The following DNHD1 variants were observed in gnomAD, a reference collection of about 807,000 sequenced individuals.
DNHD1 encodes the protein dynein heavy chain domain-containing protein 1.
A neutral mutation model predicts 458.1 loss-of-function variants in DNHD1; 383 were observed. The ratio of observed to expected loss-of-function variants is 0.84; its 90% CI spans 0.77 to 0.91. The LOEUF is 0.91. Ranked by LOEUF, DNHD1 falls within the 40% of genes least tolerant of loss-of-function variation. DNHD1 has a pLI of 0.00. For missense variants in DNHD1, 5,336 were observed against 5,866.1 expected, an observed-to-expected ratio of 0.91 and a Z score of 2.95; for synonymous variants, 2,203 against 2,376.9, an observed-to-expected ratio of 0.93 and a Z score of 2.13.
At chr11:6,549,518 TAAC>T (rs1853291859) in intron 24 of DNHD1, among the ~76,000 whole-genome samples, 1 of 152,222 alleles carries the variant, frequency 6.6e-6, no homozygotes, top group Non-Finnish European at 1.5e-5. Flanking sequence ...TAATTGGACT[TAAC>T]AAGTCAGGCT....
chr11:6,533,159 A>T lies in DNHD1; in HGVS notation c.2480A>T (p.His827Leu), dbSNP rs1303298856. Reference protein sequence around the residue: ...HIFRTINSDIHAIAQCTQKLN... With the variant: ...HIFRTINSDILAIAQCTQKLN... The stretch of plus-strand genomic sequence containing the variant: ...TTCCGAACCATCAACTCAGATATTC[A>T]TGCCATTGCACAGTGCACCCAGAAG... The change falls in exon 13 of 43, where the codon CAT becomes CTT. Residue 827 changes from histidine (H) to leucine (L), a missense_variant. By Grantham distance (99) the His-to-Leu change is moderately conservative. Around this residue, in one of 4 missense-constraint regions of DNHD1, gnomAD observed 3,932 missense variants for 4,365.6 expected, o/e 0.90. Coordinates refer to ENST00000254579, the MANE Select transcript of DNHD1 (RefSeq NM_144666.3). 1 of 1,551,642 alleles carries T rather than the reference A, an allele frequency of 6.4e-7. No homozygotes were observed. The highest frequency in any genetic ancestry group is 2.0e-5 in the Admixed American group (1 of 51,000).
rs775625225 is a variant in DNHD1 at position 6,557,409 on chromosome 11, T to C, written c.8114T>C (p.Val2705Ala). Reference sequence around the variant, plus strand: ...GAGGAGGAGGAGGAGGAGGAGAGGGTGCCCGAAGTAGAATCTGAAGGGGAG... The same window carrying C: ...GAGGAGGAGGAGGAGGAGGAGAGGGCGCCCGAAGTAGAATCTGAAGGGGAG... ...ESEEEEEEER[V>A]PEVESEGELA... Residue 2705 changes from valine to alanine, a missense_variant, in exon 25 of 43, where the codon GTG becomes GCG. Around this residue, in one of 4 missense-constraint regions of DNHD1, gnomAD observed 3,932 missense variants for 4,365.6 expected, o/e 0.90. Transcript: ENST00000254579. 1 of 1,550,096 alleles carries C rather than the reference T, an allele frequency of 6.5e-7. No homozygotes were observed. Among genetic ancestry groups the C allele is most frequent in the Non-Finnish European group, 8.7e-7 (1 of 1,146,896 alleles).
chr11:6,558,617 AC>A lies in DNHD1; in HGVS notation c.9138del (p.Trp3047GlyfsTer70), dbSNP rs1456597175. On this transcript the variant is annotated frameshift_variant, in exon 26 of 43. Transcript: ENST00000254579. LOFTEE classifies it high-confidence loss of function. ...LATASIDRYE[P>X]WDQAALAKVA... ...CCACTGCCAGCATTGACCGCTATGA[AC>A]CCTGGGACCAAGCTGCCCTGGCCAA... The A allele has an allele frequency of 4.5e-6, 7 of 1,551,598 alleles. No homozygotes were observed. The highest frequency in any genetic ancestry group is 3.9e-5 in the Admixed American group (2 of 51,008).
chr11:6,568,793 C>T lies in DNHD1; in HGVS notation c.12790C>T (p.Leu4264=). The change falls in exon 39 of 43, where the codon CTG becomes TTG. Residue 4264 remains leucine (L), a synonymous_variant. Transcript: ENST00000254579. ...GCAACCCCCCACCCAGGCACTACCT[C>T]TGCTCCTCCTCCATGGCCTCCTGCT... The part of the protein sequence containing the change: ...YMQPPTQALP[L]LLLHGLLLHR... The T allele has an allele frequency of 6.2e-7, 1 of 1,613,542 alleles. No homozygotes were observed. Among genetic ancestry groups the T allele is most frequent in the Non-Finnish European group, 8.5e-7 (1 of 1,179,772 alleles).
rs1216814948 is a variant in DNHD1 at position 6,547,304 on chromosome 11, C to T, written c.6365C>T (p.Thr2122Ile). The T allele has an allele frequency of 6.4e-7, 1 of 1,551,728 alleles. No homozygotes were observed. The highest frequency in any genetic ancestry group is 8.7e-7 in the Non-Finnish European group (1 of 1,147,022). ...SGQQIARPPG[T>I]FLLMEVADTT... ...CAGCAGATAGCACGACCCCCAGGCA[C>T]CTTTCTCTTGATGGAGGTGGCTGAC... Residue 2122 changes from threonine to isoleucine, a missense_variant, in exon 21 of 43, where the codon ACC becomes ATC. Physicochemically the swap from Thr to Ile is moderately conservative, Grantham distance 89 (BLOSUM62 -1). This residue lies in a region of DNHD1 where 3,932 missense variants were observed against 4,365.6 expected (regional missense o/e 0.90). Transcript: ENST00000254579.
intron 7 of DNHD1, among the ~76,000 whole-genome samples, chr11:6,518,896 T>A (rs933381218): frequency 1.3e-5 from 2 of 152,100 alleles, no homozygotes; most frequent in African/African-American, 4.8e-5. Flanking sequence ...AACCAATCAG[T>A]TCTAATCACA....
rs193003786 is a variant in DNHD1 at position 6,546,557 on chromosome 11, G to A, written c.5618G>A (p.Arg1873His). ...RELVSGPLPCRLPLLKQILED... is the reference protein window; with the variant it reads ...RELVSGPLPCHLPLLKQILED... ...CTGGTGTCTGGGCCCCTGCCCTGCCGCCTGCCACTGCTCAAGCAGATACTG... is the reference window on the plus strand; with the variant it reads ...CTGGTGTCTGGGCCCCTGCCCTGCCACCTGCCACTGCTCAAGCAGATACTG... The change falls in exon 21 of 43, where the codon CGC (arginine) becomes CAC (histidine). Residue 1873 changes from arginine to histidine, a missense_variant. This residue lies in a region of DNHD1 where 3,932 missense variants were observed against 4,365.6 expected (regional missense o/e 0.90). Coordinates refer to ENST00000254579, the MANE Select transcript of DNHD1 (RefSeq NM_144666.3). 38 of 1,551,076 alleles carry A rather than the reference G, an allele frequency of 2.4e-5. No homozygotes were observed. The highest frequency in any genetic ancestry group is 1.7e-4 in the East Asian group (7 of 40,902).
At position 6,550,435 on chromosome 11, in the gene DNHD1, G is replaced by A. The variant is rs145758109; in HGVS notation, c.7387+1502G>A. ...GAAGAGACTTCAGCAACATTGTAGAGTGAAGAATATTACTGCTGGCAGAAT... is the reference window on the plus strand; with the variant it reads ...GAAGAGACTTCAGCAACATTGTAGAATGAAGAATATTACTGCTGGCAGAAT... On this transcript the variant is annotated intron_variant, in intron 24 of 42. Coordinates refer to ENST00000254579, the MANE Select transcript of DNHD1 (RefSeq NM_144666.3). Among the ~76,000 whole-genome samples, 246 of 152,296 alleles carry A rather than the reference G, an allele frequency of 1.6e-3. 2 individuals are homozygous for A. The highest frequency in any genetic ancestry group is 5.8e-3 in the African/African-American group (239 of 41,548).
rs1852204662 is a variant in DNHD1, at chr11:6,505,082, C to G, written c.920+2156C>G. On this transcript the variant is annotated intron_variant, in intron 4 of 42. Transcript: ENST00000254579. This position sits in a 1 kb window ranked among gnomAD's most constrained non-coding sequence, Gnocchi z 4.4. ...CTGGGCTCAAGCTATCCTCCCTTCTCAGCCTCCCAAAGTGCTGGGATTACA... is the reference window on the plus strand; with the variant it reads ...CTGGGCTCAAGCTATCCTCCCTTCTGAGCCTCCCAAAGTGCTGGGATTACA... Among the ~76,000 whole-genome samples, 1 of 152,098 alleles carries G rather than the reference C, an allele frequency of 6.6e-6. No individual in the cohort carries two copies. The highest frequency in any genetic ancestry group is 1.5e-5 in the Non-Finnish European group (1 of 68,010).
In DNHD1 at chr11:6,497,290, T is replaced by A. The variant is rs1301242268; in HGVS notation, c.-570T>A. The A allele has an allele frequency of 6.5e-6, 1 of 152,676 alleles. No homozygotes were observed. The highest frequency in any genetic ancestry group is 1.5e-5 in the Non-Finnish European group (1 of 68,500). 9.5% of individuals were successfully genotyped at this position (152,676 alleles called of 1,614,324 possible). A position where few individuals can be genotyped will look rare whatever the true frequency, so the allele number is the denominator to read the frequency against. Reference sequence around the variant, plus strand: ...TGGCAAAGACTCGGTCCTTCTGGAATCTTGTAACGGTTCTAACAGCTGGGT... The same window carrying A: ...TGGCAAAGACTCGGTCCTTCTGGAAACTTGTAACGGTTCTAACAGCTGGGT... On this transcript the variant is annotated 5_prime_UTR_variant, in exon 1 of 43. Coordinates refer to ENST00000254579, the MANE Select transcript of DNHD1 (RefSeq NM_144666.3).
At chr11:6,564,235 A>T in intron 31 of DNHD1, 98 bp from the exon 32 acceptor site, 4 of 1,448,012 alleles carry the variant, frequency 2.8e-6, no homozygotes, top group Non-Finnish European at 3.7e-6. Context: ...TCCTTGCCGT[A>T]CTTTCCTCCA....
intron 10 of DNHD1, among the ~76,000 whole-genome samples, chr11:6,527,308 G>A (rs923230710): frequency 6.6e-6 from 1 of 152,208 alleles, no homozygotes; most frequent in African/African-American, 2.4e-5. Context: ...AGTAAGAGAT[G>A]ATGGTGACTT....
In DNHD1 at chr11:6,567,024, C is replaced by G; in HGVS notation, c.11515C>G (p.Gln3839Glu). Residue 3839 changes from glutamine to glutamate, a missense_variant, in exon 36 of 43, where the codon CAG becomes GAG. Coordinates refer to ENST00000254579, the MANE Select transcript of DNHD1 (RefSeq NM_144666.3). Reference protein sequence around the residue: ...LRAHCEELEGQKLQEMVLWAP... With the variant: ...LRAHCEELEGEKLQEMVLWAP... ...TGCTCATTGTGAAGAGTTAGAAGGG[C>G]AGAAACTACAGGAGATGGTATTGTG... The G allele has an allele frequency of 6.2e-7, 1 of 1,614,026 alleles. No individual in the cohort carries two copies.
chr11:6,571,244 G>C lies in DNHD1; in HGVS notation c.13732G>C (p.Glu4578Gln). 6.2e-7 allele frequency: 1 copy of C among 1,612,636 alleles called. No individual in the cohort carries two copies. Among genetic ancestry groups the C allele is most frequent in the Non-Finnish European group, 8.5e-7 (1 of 1,179,710 alleles). The stretch of plus-strand genomic sequence containing the variant: ...CGCGGACGCGAGCAGTGATGTACCA[G>C]AGCGCGTCTTCCACCTGTCAGCCTT... ...VGADASSDVP[E>Q]RVFHLSAFRH... Residue 4578 changes from glutamate (E) to glutamine (Q), a missense_variant, in exon 42 of 43, where the codon GAG (glutamate) becomes CAG (glutamine). By Grantham distance (29) the Glu-to-Gln change is conservative. This residue lies in a region of DNHD1 where 698 missense variants were observed against 664.9 expected (regional missense o/e 1.05). Transcript: ENST00000254579. This position sits in a 1 kb window ranked among gnomAD's most constrained non-coding sequence, Gnocchi z 5.0.
In DNHD1 at chr11:6,528,763, G is replaced by T; in HGVS notation, c.2079G>T (p.Leu693=). The T allele has an allele frequency of 6.4e-7, 1 of 1,551,718 alleles. No individual in the cohort carries two copies. The highest frequency in any genetic ancestry group is 1.2e-5 in the South Asian group (1 of 84,052). The change falls in exon 11 of 43, where the codon CTG becomes CTT. Residue 693 remains leucine, a synonymous_variant. Coordinates refer to ENST00000254579, the MANE Select transcript of DNHD1 (RefSeq NM_144666.3). ...LDNNPKIQQA[L]NIQQVLLEGV... is the part of the protein sequence containing the mutation. ...ACAACCCTAAGATCCAGCAGGCACT[G>T]AATATACAACAGGTGCTGCTGGAGG... is the stretch of plus-strand genomic sequence containing the variant.
chr11:6,529,783 T>C (rs1852789799), intron 12 of DNHD1, among the ~76,000 whole-genome samples: 2 of 152,222 alleles, frequency 1.3e-5, no homozygotes, highest in South Asian at 4.1e-4. Flanking sequence ...TTGCTGCTTC[T>C]GGTGCTGCTG....
In DNHD1 at chr11:6,563,445, A is replaced by G. The variant is rs1267962835; in HGVS notation, c.9733A>G (p.Ser3245Gly). The G allele has an allele frequency of 1.9e-6, 3 of 1,551,668 alleles. No individual in the cohort carries two copies. Among genetic ancestry groups the G allele is most frequent in the South Asian group, 2.4e-5 (2 of 84,064 alleles). The change falls in exon 30 of 43, where the codon AGC becomes GGC. Residue 3245 changes from serine (S) to glycine (G), a missense_variant. Physicochemically the swap from Ser to Gly is moderately conservative, Grantham distance 56. This residue lies in a region of DNHD1 where 3,932 missense variants were observed against 4,365.6 expected (regional missense o/e 0.90). Transcript: ENST00000254579. ...GGTGGCTGACTTTGAGGAGATACGG[A>G]GCTATCGAGCACCACCAGAATCTGT... ...LQVADFEEIR[S>G]YRAPPESVVR...
At chr11:6,522,966 T>C (rs1852633758) in intron 10 of DNHD1, among the ~76,000 whole-genome samples, 1 of 152,206 alleles carries the variant, frequency 6.6e-6, no homozygotes, top group African/African-American at 2.4e-5. Context: ...CAAGAGAGTA[T>C]TACTGTTACT....
rs1853483825 is a variant in DNHD1 at position 6,557,250 on chromosome 11, A to G, written c.7955A>G (p.Gln2652Arg). The G allele has an allele frequency of 6.4e-7, 1 of 1,551,640 alleles. No individual in the cohort carries two copies. The highest frequency in any genetic ancestry group is 1.4e-5 in the African/African-American group (1 of 73,192). ...NVVRLWLHEA[Q>R]RTFCDRLDSP... is the part of the protein sequence containing the mutation. ...GTGCGTCTTTGGTTGCATGAGGCAC[A>G]GAGAACCTTTTGCGACCGGCTGGAC... The change falls in exon 25 of 43, where the codon CAG becomes CGG. Residue 2652 changes from glutamine to arginine, a missense_variant. By Grantham distance (43) the Gln-to-Arg change is conservative. Coordinates refer to ENST00000254579, the MANE Select transcript of DNHD1 (RefSeq NM_144666.3).
Sources: gnomAD v4.1 joint callset for allele counts (sites outside exome capture counted in the v4.1 genomes callset) on GRCh38, gnomAD v4.1.1 for gene constraint, gnomAD v4.1.1 regional missense constraint, Gnocchi (gnomAD v3.1) non-coding constraint, MANE v1.5 for transcripts, NCBI Gene and HGNC (gene_info 2026-07-23, HGNC 2026-07-21) for gene names.